The following PABPC4L variants were observed in gnomAD, a reference collection of about 807,000 sequenced individuals.
The protein encoded by PABPC4L is polyadenylate-binding protein 4-like.
For synonymous variants in PABPC4L, 169 were observed against 164.1 expected (o/e 1.03, Z -0.23); for missense variants, 452 against 451.4 (o/e 1.00, Z -0.01).
At chr4:134,083,833 T>C in the PABPC4L span, among the ~76,000 whole-genome samples, 2 of 152,024 alleles carry the variant, frequency 1.3e-5, no homozygotes, top group Admixed American at 6.6e-5. Flanking sequence ...TGTTTCCAAA[T>C]CGAAAAGCTT....
chr4:134,121,851 G>T, the PABPC4L span, among the ~76,000 whole-genome samples: 1 of 151,532 alleles, frequency 6.6e-6, no homozygotes, highest in East Asian at 1.9e-4. Context: ...TGTTTCAAAA[G>T]CTTATTTATT....
chr4:134,093,551 A>ATTTCT, the PABPC4L span, among the ~76,000 whole-genome samples: 2 of 141,712 alleles, frequency 1.4e-5, no homozygotes, highest in African/African-American at 5.2e-5. Flanking sequence ...AGGACCCTTT[A>ATTTCT]TTTCTTTTCT....
At chr4:134,005,523 A>G in the PABPC4L span, among the ~76,000 whole-genome samples, 3 of 151,838 alleles carry the variant, frequency 2.0e-5, no homozygotes, top group Non-Finnish European at 4.4e-5. Flanking sequence ...TATAAGGTAT[A>G]TTTTAGTAAT....
chr4:134,108,788 G>A, the PABPC4L span, among the ~76,000 whole-genome samples: 1 of 151,726 alleles, frequency 6.6e-6, no homozygotes, highest in Non-Finnish European at 1.5e-5. Flanking sequence ...TTCTCACTCT[G>A]TATCTATAAA....
chr4:134,068,578 A>G, the PABPC4L span, among the ~76,000 whole-genome samples: 1 of 152,096 alleles, frequency 6.6e-6, no homozygotes, highest in East Asian at 1.9e-4. Flanking sequence ...TTAGCTGGTT[A>G]TTATGCAGAC....
chr4:134,057,645 G>C, the PABPC4L span, among the ~76,000 whole-genome samples: 16,309 of 152,054 alleles, frequency 0.11, 917 homozygotes, highest in South Asian at 0.14. Context: ...GTGAGCTGTT[G>C]TAACTTGTCA....
the PABPC4L span, among the ~76,000 whole-genome samples, chr4:134,135,943 T>C: frequency 0.011 from 1,633 of 152,292 alleles, 31 homozygotes; most frequent in African/African-American, 0.037. Context: ...TACCACTTTT[T>C]TATTTTTAAG....
the PABPC4L span, among the ~76,000 whole-genome samples, chr4:134,187,576 G>A: frequency 1.3e-5 from 2 of 151,354 alleles, no homozygotes; most frequent in Non-Finnish European, 2.9e-5. Context: ...ATAGCATTAG[G>A]AGATATACCT....
At chr4:134,060,343 C>A in the PABPC4L span, among the ~76,000 whole-genome samples, 1 of 151,816 alleles carries the variant, frequency 6.6e-6, no homozygotes, top group Non-Finnish European at 1.5e-5. Context: ...GGACCATGAC[C>A]TAATGAGACA....
the PABPC4L span, among the ~76,000 whole-genome samples, chr4:134,117,789 A>T: frequency 6.6e-6 from 1 of 151,806 alleles, no homozygotes; most frequent in South Asian, 2.1e-4. Context: ...TTAGCCCATC[A>T]TGCTGTGGGA....
the PABPC4L span, among the ~76,000 whole-genome samples, chr4:134,007,368 T>C: frequency 6.6e-6 from 1 of 151,814 alleles, no homozygotes; most frequent in Non-Finnish European, 1.5e-5. Flanking sequence ...TTATGTACCT[T>C]AAAATAAATT....
chr4:134,157,466 T>C, the PABPC4L span, among the ~76,000 whole-genome samples: 2 of 151,788 alleles, frequency 1.3e-5, no homozygotes. Context: ...TCACCTTGAT[T>C]AAAGAAGAAT....
downstream of PABPC4L, among the ~76,000 whole-genome samples, chr4:134,191,880 G>C (rs1729520727): frequency 6.6e-6 from 1 of 151,598 alleles, no homozygotes; most frequent in Non-Finnish European, 1.5e-5. Context: ...TAAATAAAAA[G>C]GGAATGGTAA....
chr4:134,086,797 G>GTT, the PABPC4L span, among the ~76,000 whole-genome samples: 150 of 127,894 alleles, frequency 1.2e-3, no homozygotes, highest in African/African-American at 4.3e-3. Flanking sequence ...TGTTTTATTT[G>GTT]TTTTTTTTTC....
the PABPC4L span, among the ~76,000 whole-genome samples, chr4:134,171,859 T>A: frequency 1.3e-5 from 2 of 152,120 alleles, no homozygotes; most frequent in Non-Finnish European, 2.9e-5. Context: ...GTAGCATTTC[T>A]ATATACCAAC....
chr4:134,121,180 T>A, the PABPC4L span, among the ~76,000 whole-genome samples: 1 of 151,370 alleles, frequency 6.6e-6, no homozygotes, highest in Non-Finnish European at 1.5e-5. Context: ...AAATATTATC[T>A]CATAAAAGTC....
the PABPC4L span, among the ~76,000 whole-genome samples, chr4:134,076,138 G>A: frequency 0.19 from 28,401 of 151,802 alleles, 3,283 homozygotes; most frequent in Admixed American, 0.25. Flanking sequence ...TCTTGTTGAA[G>A]ATAACTTAGT....
the PABPC4L span, among the ~76,000 whole-genome samples, chr4:134,023,482 G>T: frequency 3.3e-5 from 5 of 151,948 alleles, no homozygotes; most frequent in Admixed American, 6.6e-5. Flanking sequence ...GGTCTTCTTT[G>T]ATTCTTCTCT....
chr4:134,158,737 T>TAAA, the PABPC4L span, among the ~76,000 whole-genome samples: 12 of 152,268 alleles, frequency 7.9e-5, no homozygotes, highest in African/African-American at 2.6e-4. Flanking sequence ...TTTTACTATG[T>TAAA]ACCAGAATAT....
Sources: allele counts gnomAD v4.1 joint callset (sites outside exome capture counted in the v4.1 genomes callset), GRCh38; gene constraint gnomAD v4.1.1; transcripts MANE v1.5; gene names NCBI Gene and HGNC (gene_info 2026-07-23, HGNC 2026-07-21).